CCDC138: variants seen among roughly 807,000 people sequenced by gnomAD.
CCDC138 encodes the protein coiled-coil domain containing 138, also known as coiled-coil domain-containing protein 138.
In CCDC138, 66 loss-of-function variants were observed where a neutral mutation model predicts 82.3. The ratio of observed to expected loss-of-function variants is 0.80; its 90% CI spans 0.66 to 0.98. The LOEUF (loss-of-function observed/expected upper bound fraction) is 0.98. Ranked by LOEUF, CCDC138 falls within the 50% of genes least tolerant of loss-of-function variation. CCDC138 has a pLI of 0.00. For missense variants in CCDC138, 816 were observed against 758.9 expected (o/e 1.08, Z -0.88); for synonymous variants, 297 against 265.4 (o/e 1.12, Z -1.16).
intron 12 of CCDC138, among the ~76,000 whole-genome samples, chr2:108,851,655 G>T (rs1385492287): frequency 6.6e-6 from 1 of 152,074 alleles, no homozygotes; most frequent in Non-Finnish European, 1.5e-5. Context: ...TGTCCACCAG[G>T]ATATAGGGCT....
chr2:108,822,555 C>T (rs1249203530), intron 10 of CCDC138, among the ~76,000 whole-genome samples: 1 of 152,100 alleles, frequency 6.6e-6, no homozygotes, highest in African/African-American at 2.4e-5. Flanking sequence ...ACGTGTTTGG[C>T]CACAAAACAA....
At chr2:108,790,266 ATAAT>A (rs1021661275) in intron 3 of CCDC138, among the ~76,000 whole-genome samples, 2 of 152,210 alleles carry the variant, frequency 1.3e-5, no homozygotes, top group African/African-American at 2.4e-5. Flanking sequence ...TTTTAAGGTA[ATAAT>A]TATAAATTTA....
intron 7 of CCDC138, among the ~76,000 whole-genome samples, chr2:108,808,452 T>C (rs921671555): frequency 1.3e-5 from 2 of 152,214 alleles, no homozygotes; most frequent in African/African-American, 4.8e-5. Context: ...TTTTTCGTAA[T>C]GGCTGTGCTA....
intron 10 of CCDC138, among the ~76,000 whole-genome samples, chr2:108,837,470 T>C (rs1688762955): frequency 6.6e-6 from 1 of 152,144 alleles, no homozygotes. Context: ...GTATATATGA[T>C]GGTGGTCCCA....
At position 108,856,890 on chromosome 2, in the gene CCDC138, T is replaced by C. The variant is rs751412458; in HGVS notation, c.1613T>C (p.Ile538Thr). Residue 538 changes from isoleucine (I) to threonine (T), a missense_variant, in exon 13 of 15, where the codon ATA becomes ACA. Transcript: ENST00000295124. ...LFLEYQAVPVILSHLRISSKG... is the reference protein window; with the variant it reads ...LFLEYQAVPVTLSHLRISSKG... ...TTGGAGTATCAGGCTGTTCCAGTAA[T>C]ATTAAGTCATCTAAGAATATCCAGT... 1.1e-5 allele frequency: 17 copies of C among 1,613,286 alleles called. No individual in the cohort carries two copies. In the South Asian group the frequency reaches 1.9e-4, roughly 18 times the overall value.
At chr2:108,827,084 G>T (rs1406577734) in intron 10 of CCDC138, among the ~76,000 whole-genome samples, 1 of 152,114 alleles carries the variant, frequency 6.6e-6, no homozygotes, top group Non-Finnish European at 1.5e-5. Flanking sequence ...GGCAAGTCAA[G>T]ACAGGGATAC....
intron 12 of CCDC138, among the ~76,000 whole-genome samples, chr2:108,853,906 AT>A (rs1251328455): frequency 8.1e-6 from 1 of 122,978 alleles, no homozygotes. Context: ...TATATTATAT[AT>A]TATATAGTAT....
Position 108,794,548 on chromosome 2 carries a change from CCAACTAATACGACCTCAT to C in CCDC138, c.405_422del (p.Thr136_Ser141del), listed in dbSNP as rs1416104632. On this transcript the variant is annotated inframe_deletion, in exon 5 of 15. Coordinates refer to ENST00000295124, the MANE Select transcript of CCDC138 (RefSeq NM_144978.3). ...TGTTATTTTCTTTGCAGTTGCCTTG[CCAACTAATACGACCTCAT>C]CGAGACCTCGGACTGAGTGTTGTAG... The C allele has an allele frequency of 6.3e-7, 1 of 1,592,266 alleles. No individual in the cohort carries two copies. The highest frequency in any genetic ancestry group is 8.6e-7 in the Non-Finnish European group (1 of 1,169,370).
At chr2:108,816,351 T>G (rs186327537) in intron 10 of CCDC138, among the ~76,000 whole-genome samples, 56 of 152,238 alleles carry the variant, frequency 3.7e-4, no homozygotes, top group African/African-American at 1.3e-3. Context: ...CTTGGGAGGC[T>G]GAGGCAGGAG....
chr2:108,798,852 C>CACA (rs746855718), intron 6 of CCDC138, among the ~76,000 whole-genome samples: 1,770 of 150,094 alleles, frequency 0.012, 19 homozygotes, highest in Non-Finnish European at 0.019. Context: ...CACACACACA[C>CACA]ATTTTTTCTG....
intron 13 of CCDC138, among the ~76,000 whole-genome samples, chr2:108,861,281 T>G (rs900925331): frequency 1.3e-5 from 2 of 151,906 alleles, no homozygotes; most frequent in Non-Finnish European, 2.9e-5. Flanking sequence ...AAAAAACACT[T>G]TTTCATTTCG....
chr2:108,794,475 A>C (rs1220346794), intron 4 of CCDC138, 65 bp from the exon 5 acceptor site: 2 of 1,400,024 alleles, frequency 1.4e-6, no homozygotes, highest in African/African-American at 1.4e-5. Flanking sequence ...CCTAAAGGTT[A>C]CTCTGAGAAT....
chr2:108,874,984 A>G (rs1033198361), intron 14 of CCDC138, among the ~76,000 whole-genome samples: 1 of 151,538 alleles, frequency 6.6e-6, no homozygotes, highest in Non-Finnish European at 1.5e-5. Flanking sequence ...ATGTTTTACT[A>G]TTCATGATGT....
chr2:108,880,061 A>G (rs909095940), downstream of CCDC138, among the ~76,000 whole-genome samples: 1 of 152,314 alleles, frequency 6.6e-6, no homozygotes, highest in Admixed American at 6.5e-5. Flanking sequence ...ATGATAAGAA[A>G]CAAATCCAAA....
intron 12 of CCDC138, among the ~76,000 whole-genome samples, chr2:108,855,303 T>C (rs765899398): frequency 6.6e-6 from 1 of 152,168 alleles, no homozygotes; most frequent in Non-Finnish European, 1.5e-5. Flanking sequence ...CTTAAAAGAA[T>C]ACCATATAGT....
chr2:108,854,933 A>G (rs1313959108), intron 12 of CCDC138, among the ~76,000 whole-genome samples: 1 of 152,244 alleles, frequency 6.6e-6, no homozygotes, highest in Non-Finnish European at 1.5e-5. Flanking sequence ...AATTTATCAT[A>G]TAAACAAAAT....
intron 4 of CCDC138, among the ~76,000 whole-genome samples, 179 bp downstream of exon 4, chr2:108,791,981 T>G (rs1446509621): frequency 6.6e-6 from 1 of 152,164 alleles, no homozygotes; most frequent in Non-Finnish European, 1.5e-5. Flanking sequence ...GCAGAGAAAA[T>G]TAAACTTCAT....
At chr2:108,858,110 G>A (rs541010890) in intron 13 of CCDC138, among the ~76,000 whole-genome samples, 4 of 152,306 alleles carry the variant, frequency 2.6e-5, no homozygotes, top group East Asian at 3.9e-4. Flanking sequence ...TTGGGAGGCC[G>A]AGGCGGGCAG....
intron 7 of CCDC138, among the ~76,000 whole-genome samples, chr2:108,810,861 A>G (rs528421840): frequency 1.3e-5 from 2 of 152,246 alleles, no homozygotes; most frequent in East Asian, 3.9e-4. Context: ...CAATCTTGTT[A>G]CTTATGATTG....
Sources: allele counts gnomAD v4.1 joint callset (sites outside exome capture counted in the v4.1 genomes callset), GRCh38; gene constraint gnomAD v4.1.1; transcripts MANE v1.5; gene names NCBI Gene and HGNC (gene_info 2026-07-23, HGNC 2026-07-21).